Variants in LMLN observed in about 807,000 individuals in gnomAD.
LMLN encodes the protein leishmanolysin-like peptidase.
In LMLN, 70 loss-of-function variants were observed where a neutral mutation model predicts 92.3. That is an observed-to-expected ratio of 0.76 (90% CI 0.63 to 0.92). LMLN has a LOEUF of 0.92. Among genes scored for constraint, LMLN ranks in the 40% least tolerant of loss-of-function variants. The probability of loss-of-function intolerance (pLI) is 0.00; values close to 1 mark genes in which losing one functional copy is unlikely to be tolerated. For missense variants in LMLN, 691 were observed against 814.6 expected, an observed-to-expected ratio of 0.85 and a Z score of 1.85; for synonymous variants, 308 against 296.2, an observed-to-expected ratio of 1.04 and a Z score of -0.41.
At chr3:198,002,233 T>A (rs559212753) in intron 11 of LMLN, among the ~76,000 whole-genome samples, 13 of 152,204 alleles carry the variant, frequency 8.5e-5, no homozygotes, top group Non-Finnish European at 1.6e-4. Flanking sequence ...GCTGAGGTGA[T>A]CCTGCCACTT....
chr3:198,035,582 C>T (rs1425483275), intron 14 of LMLN, among the ~76,000 whole-genome samples: 4 of 151,758 alleles, frequency 2.6e-5, no homozygotes, highest in Non-Finnish European at 4.4e-5. Context: ...AGGATGATCT[C>T]GATCTCTTGA....
At chr3:198,032,405 ACT>A (rs915236365) in intron 14 of LMLN, among the ~76,000 whole-genome samples, 4 of 151,716 alleles carry the variant, frequency 2.6e-5, no homozygotes, top group South Asian at 2.1e-4. Context: ...GAACAGAAAA[ACT>A]CTGTTTTACC....
chr3:198,002,340 A>C (rs955373889), intron 11 of LMLN, among the ~76,000 whole-genome samples: 15 of 152,106 alleles, frequency 9.9e-5, no homozygotes, highest in African/African-American at 3.6e-4. Flanking sequence ...CATGTTGGCC[A>C]GGCTGGTCTC....
At chr3:198,035,366 T>TTC (rs202024682) in intron 14 of LMLN, among the ~76,000 whole-genome samples, 6,027 of 145,588 alleles carry the variant, frequency 0.041, 174 homozygotes, top group East Asian at 0.094. Flanking sequence ...TTTTGGTTTT[T>TTC]TTTTTTTTTT....
chr3:198,041,842 T>C (rs1426281160), exon 16 of LMLN: 1 of 152,232 alleles, frequency 6.6e-6, no homozygotes, highest in Non-Finnish European at 1.5e-5. Context: ...GACTATATTT[T>C]GACTGTTGTG....
At chr3:197,994,747 G>T (rs2109890193) in intron 9 of LMLN, 1 of 152,298 alleles carries the variant, frequency 6.6e-6, no homozygotes, top group Non-Finnish European at 1.5e-5. Context: ...AGAAGTGTTG[G>T]TGAGGATGTG....
At chr3:198,037,041 G>A (rs1333023203) in intron 15 of LMLN, among the ~76,000 whole-genome samples, 1 of 152,198 alleles carries the variant, frequency 6.6e-6, no homozygotes, top group South Asian at 2.1e-4. Context: ...CCTAGGGGCT[G>A]TAGGCAGAGG....
Position 198,021,612 on chromosome 3 carries a change from C to A in LMLN, c.1525+7C>A. ...ATATTGGAAAATCAACCAGGTTAGT[C>A]GGCTAGTGAAATGAAGTATTATATA... On this transcript the variant is annotated splice_region_variant and intron_variant, in intron 13 of 15. Transcript: ENST00000330198. 1 of 1,612,080 alleles carries A rather than the reference C, an allele frequency of 6.2e-7. No individual in the cohort carries two copies. The highest frequency in any genetic ancestry group is 1.1e-5 in the South Asian group (1 of 90,916).
chr3:197,978,425 C>T (rs941931507), intron 5 of LMLN, among the ~76,000 whole-genome samples: 7 of 152,036 alleles, frequency 4.6e-5, no homozygotes, highest in African/African-American at 7.2e-5. Flanking sequence ...TGCTTGACTC[C>T]GGGAGTTTAA....
In LMLN at chr3:198,021,448, C is replaced by G. The variant is rs752811822; in HGVS notation, c.1368C>G (p.Tyr456Ter). 1 of 1,613,320 alleles carries G rather than the reference C, an allele frequency of 6.2e-7. No homozygotes were observed. The highest frequency in any genetic ancestry group is 8.5e-7 in the Non-Finnish European group (1 of 1,179,686). Residue 456 changes from tyrosine to a stop codon, truncating the protein, a stop_gained and splice_region_variant, in exon 13 of 16, where the codon TAC (tyrosine) becomes TAG (stop). Coordinates refer to ENST00000330198, the Ensembl canonical transcript of LMLN. LOFTEE classifies it high-confidence loss of function. ...TCTTCCCAATATTTTTTCTGCAGTA[C>G]TTTGATGAACTCAGTGGAATACCTG...
chr3:197,971,637 T>G (rs1292838524), intron 1 of LMLN, among the ~76,000 whole-genome samples: 3 of 152,162 alleles, frequency 2.0e-5, no homozygotes, highest in Non-Finnish European at 4.4e-5. Flanking sequence ...CAGGCTGGAG[T>G]GCAGTGGCAC....
exon 16 of LMLN, chr3:198,038,903 C>G (rs932741794): frequency 3.9e-6 from 1 of 254,124 alleles, no homozygotes; most frequent in South Asian, 4.6e-5. Context: ...CCAACCACCT[C>G]GTCAGCAACC....
At chr3:198,012,957 C>A (rs1461461335) in intron 11 of LMLN, among the ~76,000 whole-genome samples, 5 of 115,478 alleles carry the variant, frequency 4.3e-5, no homozygotes, top group Non-Finnish European at 8.4e-5. Context: ...CCTTCAGAGC[C>A]CCCTAACTAG....
chr3:198,011,759 A>C (rs1475515686), intron 11 of LMLN, among the ~76,000 whole-genome samples: 1 of 151,818 alleles, frequency 6.6e-6, no homozygotes, highest in African/African-American at 2.4e-5. Context: ...AAGTGTTCCT[A>C]TTTCTCCACA....
intron 1 of LMLN, 121 bp downstream of exon 1, chr3:197,960,561 T>A: frequency 1.1e-6 from 1 of 881,722 alleles, no homozygotes; most frequent in Non-Finnish European, 1.7e-6. Context: ...GGGCAGAGCC[T>A]GACTCTTACA....
At chr3:198,028,536 A>G (rs1029767303) in intron 14 of LMLN, among the ~76,000 whole-genome samples, 1 of 152,238 alleles carries the variant, frequency 6.6e-6, no homozygotes, top group African/African-American at 2.4e-5. Context: ...AGAGACCTTT[A>G]AGCGTGTGTT....
At chr3:198,027,503 A>T (rs1476221395) in intron 14 of LMLN, among the ~76,000 whole-genome samples, 1 of 152,070 alleles carries the variant, frequency 6.6e-6, no homozygotes, top group Non-Finnish European at 1.5e-5. Flanking sequence ...CTCACTAAAC[A>T]ATCCCTCCCT....
At chr3:198,024,418 C>T (rs547453999) in intron 13 of LMLN, among the ~76,000 whole-genome samples, 343 of 152,130 alleles carry the variant, frequency 2.3e-3, no homozygotes, top group African/African-American at 7.5e-3. Flanking sequence ...GGTTTCACCA[C>T]GTTAGCCAGG....
chr3:198,041,121 C>T (rs914286450), exon 16 of LMLN: 1 of 152,248 alleles, frequency 6.6e-6, no homozygotes, highest in Non-Finnish European at 1.5e-5. Flanking sequence ...TTATTTGGCA[C>T]TAGAGCCAAC....
Sources: gnomAD v4.1 joint callset for allele counts (sites outside exome capture counted in the v4.1 genomes callset) on GRCh38, gnomAD v4.1.1 for gene constraint, MANE v1.5 for transcripts, NCBI Gene and HGNC (gene_info 2026-07-23, HGNC 2026-07-21) for gene names.